Variants in TAB2 observed in about 807,000 individuals in gnomAD.
The protein encoded by TAB2 is TGF-beta-activated kinase 1 and MAP3K7-binding protein 2.
A neutral mutation model predicts 65.0 loss-of-function variants in TAB2; 3 were observed. That is an observed-to-expected ratio of 0.05 (90% CI 0.02 to 0.12). The LOEUF is 0.12. Among genes scored for constraint, TAB2 ranks in the 10% least tolerant of loss-of-function variants. TAB2 has a pLI of 1.00. For synonymous variants in TAB2, 298 were observed against 285.1 expected (o/e 1.05, Z -0.46); for missense variants, 623 against 840.3 (o/e 0.74, Z 3.20).
rs373525786 is a variant in TAB2 at position 149,227,380 on chromosome 6, GA to G, written c.-121+8609del. Among the ~76,000 whole-genome samples, 363 of 152,240 alleles carry G rather than the reference GA, an allele frequency of 2.4e-3. 2 individuals are homozygous for G. Among genetic ancestry groups the G allele is most frequent in the African/African-American group, 8.4e-3 (349 of 41,552 alleles). ...TAAAAAATGAGTCAAGATTGCTTGT[GA>G]AAAATCTGACCCCTTGATGTCCCAG... On this transcript the variant is annotated intron_variant, in intron 1 of 1. Transcript: ENST00000606202.
At chr6:149,353,231 CTGCTGCTGCTGCTGCTGGATTGCTTT>C (rs1247789248) in intron 1 of TAB2, among the ~76,000 whole-genome samples, 3 of 150,186 alleles carry the variant, frequency 2.0e-5, no homozygotes, top group African/African-American at 4.9e-5. Flanking sequence ...GCTCTGGGTG[CTGCTGCTGCTGCTGCTGGATTGCTTT>C]TGCTGCTGCT....
At chr6:149,328,062 T>G (rs1779670854) in intron 1 of TAB2, among the ~76,000 whole-genome samples, 1 of 152,204 alleles carries the variant, frequency 6.6e-6, no homozygotes. Context: ...ATTACCTAAT[T>G]GAAGTTAGTT....
intron 1 of TAB2, among the ~76,000 whole-genome samples, chr6:149,264,805 C>A (rs1012230636): frequency 6.6e-6 from 1 of 152,178 alleles, no homozygotes; most frequent in East Asian, 1.9e-4. Flanking sequence ...CAAGCCACAG[C>A]GGAAAACAGC....
chr6:149,394,199 G>A (rs1169878684), intron 3 of TAB2, among the ~76,000 whole-genome samples: 1 of 151,910 alleles, frequency 6.6e-6, no homozygotes, highest in Non-Finnish European at 1.5e-5. Context: ...TGTCCAGTGT[G>A]TTAAGTCTGT....
At chr6:149,311,116 A>G (rs956066604) in intron 1 of TAB2, among the ~76,000 whole-genome samples, 1 of 152,164 alleles carries the variant, frequency 6.6e-6, no homozygotes, top group African/African-American at 2.4e-5. Context: ...CTTGAATGGT[A>G]TACCTCCACC....
chr6:149,320,932 A>G (rs1779435107), intron 1 of TAB2: 1 of 152,162 alleles, frequency 6.6e-6, no homozygotes, highest in Non-Finnish European at 1.5e-5. Flanking sequence ...TTGATCTAAC[A>G]TTGGGTCTCT....
chr6:149,378,126 C>G lies in TAB2; in HGVS notation c.211C>G (p.Leu71Val). The G allele has an allele frequency of 6.2e-7, 1 of 1,614,126 alleles. No individual in the cohort carries two copies. The highest frequency in any genetic ancestry group is 8.5e-7 in the Non-Finnish European group (1 of 1,180,030). The change falls in exon 3 of 7, where the codon CTA (leucine) becomes GTA (valine). Residue 71 changes from leucine (L) to valine (V), a missense_variant. By Grantham distance (32) the Leu-to-Val change is conservative. Transcript: ENST00000637181. Reference sequence around the variant, plus strand: ...TTCAGATGATTCTGGAATTTCTGGTCTACGCAATCACATGACTTCTCTCAA... The same window carrying G: ...TTCAGATGATTCTGGAATTTCTGGTGTACGCAATCACATGACTTCTCTCAA... Reference protein sequence around the residue: ...NFSDDSGISGLRNHMTSLNLD... With the variant: ...NFSDDSGISGVRNHMTSLNLD...
rs185136030 is a variant in TAB2, at chr6:149,341,977, A to G, written c.-90+23962A>G. ...AACATTCTACTATTCATAATATCCT[A>G]TTATTTCTGTAACCTTCGTAGTTGC... On this transcript the variant is annotated intron_variant, in intron 1 of 6. Coordinates refer to ENST00000637181, the MANE Select transcript of TAB2 (RefSeq NM_001292034.3). 4.4e-3 allele frequency among the ~76,000 whole-genome samples: 675 copies of G among 151,846 alleles called. 9 individuals are homozygous for G. The highest frequency in any genetic ancestry group is 0.028 in the Admixed American group (433 of 15,242).
At chr6:149,244,930 C>T (rs1777679806) in intron 1 of TAB2, 1 of 151,506 alleles carries the variant, frequency 6.6e-6, no homozygotes, top group Non-Finnish European at 1.5e-5. Context: ...GCCATCTGTA[C>T]ACAGTTTTAG....
chr6:149,311,636 T>A (rs1779169102), intron 1 of TAB2, among the ~76,000 whole-genome samples: 1 of 142,034 alleles, frequency 7.0e-6, no homozygotes, highest in South Asian at 2.3e-4. Context: ...GTAGTAGTAG[T>A]AATGGTACCA....
intron 1 of TAB2, among the ~76,000 whole-genome samples, chr6:149,233,109 G>A (rs1346856180): frequency 6.6e-6 from 1 of 152,152 alleles, no homozygotes; most frequent in Non-Finnish European, 1.5e-5. Flanking sequence ...GGAAGATGGA[G>A]GTAGCCAGGC....
At chr6:149,391,913 A>G (rs1267547661) in intron 3 of TAB2, among the ~76,000 whole-genome samples, 6 of 151,772 alleles carry the variant, frequency 4.0e-5, no homozygotes, top group Admixed American at 6.6e-5. Flanking sequence ...TGAAATTTTC[A>G]TTTTGGCAGT....
chr6:149,365,135 T>G (rs1198248216), intron 1 of TAB2, among the ~76,000 whole-genome samples: 2 of 152,232 alleles, frequency 1.3e-5, no homozygotes, highest in African/African-American at 4.8e-5. Flanking sequence ...GCTGCAAACA[T>G]TTCATAAAGT....
At chr6:149,339,277 C>T (rs550438516) in intron 1 of TAB2, among the ~76,000 whole-genome samples, 5 of 152,054 alleles carry the variant, frequency 3.3e-5, no homozygotes, top group South Asian at 4.1e-4. Context: ...GCAGGAGAAT[C>T]GCTTGAAGTG....
intron 1 of TAB2, among the ~76,000 whole-genome samples, chr6:149,352,455 C>T (rs567816): frequency 0.87 from 132,559 of 152,168 alleles, 57,813 homozygotes; most frequent in Middle Eastern, 0.97. Context: ...ATTCCTGTTA[C>T]AGGCTTGTTG....
At chr6:149,345,434 G>A (rs1780262535) in intron 1 of TAB2, among the ~76,000 whole-genome samples, 1 of 151,892 alleles carries the variant, frequency 6.6e-6, no homozygotes, top group Non-Finnish European at 1.5e-5. Flanking sequence ...ACCTGTGGTT[G>A]GCTAATACAG....
intron 1 of TAB2, among the ~76,000 whole-genome samples, chr6:149,260,062 G>A (rs925499508): frequency 1.3e-5 from 2 of 152,174 alleles, no homozygotes; most frequent in African/African-American, 2.4e-5. Context: ...TACCAAGATG[G>A]CTTTCAAATG....
chr6:149,397,475 A>G, intron 3 of TAB2, 129 bp from the exon 4 acceptor site: 1 of 1,114,358 alleles, frequency 9.0e-7, no homozygotes, highest in Non-Finnish European at 1.3e-6. Flanking sequence ...TTAAATGCCT[A>G]AACTTACAAT....
intron 1 of TAB2, among the ~76,000 whole-genome samples, chr6:149,346,065 T>C (rs1183485566): frequency 5.3e-5 from 8 of 152,178 alleles, no homozygotes; most frequent in African/African-American, 1.9e-4. Flanking sequence ...TAAACACGTG[T>C]GTTTTTTCTA....
Sources: gnomAD v4.1 joint callset for allele counts (sites outside exome capture counted in the v4.1 genomes callset) on GRCh38, gnomAD v4.1.1 for gene constraint, MANE v1.5 for transcripts, NCBI Gene and HGNC (gene_info 2026-07-23, HGNC 2026-07-21) for gene names.